Variants in EIF3J observed in about 807,000 individuals in gnomAD.
EIF3J encodes the protein eukaryotic translation initiation factor 3 subunit J.
In EIF3J, 15 loss-of-function variants were observed where a neutral mutation model predicts 39.0. The observed-to-expected ratio is 0.38, with a 90% confidence interval of 0.26 to 0.59. The LOEUF is 0.59. Among genes scored for constraint, EIF3J ranks in the 20% least tolerant of loss-of-function variants. The probability of loss-of-function intolerance (pLI) is 0.60; values close to 1 mark genes in which losing one functional copy is unlikely to be tolerated. For missense variants in EIF3J, 226 were observed against 308.6 expected (o/e 0.73, Z 2.00); for synonymous variants, 98 against 112.9 (o/e 0.87, Z 0.84).
Position 44,561,016 on chromosome 15 carries a change from A to C in EIF3J, c.646-2A>C, listed in dbSNP as rs761081920. ...CATGAATTAACTCTCTTTCATCTTT[A>C]GCAAAGCAAAGCCAAAAAGAAGAAG... On this transcript the variant is annotated splice_acceptor_variant, in intron 7 of 7. Transcript: ENST00000261868. LOFTEE classifies it high-confidence loss of function. 6.2e-7 allele frequency: 1 copy of C among 1,613,116 alleles called. No homozygotes were observed. The highest frequency in any genetic ancestry group is 8.5e-7 in the Non-Finnish European group (1 of 1,179,722).
chr15:44,537,512 G>T (rs1449492917), intron 2 of EIF3J, 85 bp downstream of exon 2: 5 of 1,360,672 alleles, frequency 3.7e-6, no homozygotes, highest in South Asian at 3.2e-5. Context: ...CGCTGCCGGG[G>T]CCTGCGGGCC....
chr15:44,560,134 C>A, intron 6 of EIF3J, 115 bp from the exon 7 acceptor site: 1 of 786,522 alleles, frequency 1.3e-6, no homozygotes, highest in Non-Finnish European at 1.9e-6. Flanking sequence ...TCTCATAACA[C>A]TTTTGGAATG....
chr15:44,560,111 A>G, intron 6 of EIF3J, 138 bp from the exon 7 acceptor site: 1 of 687,266 alleles, frequency 1.5e-6, no homozygotes, highest in South Asian at 2.1e-5. Context: ...TTTAACAATG[A>G]ACAAATTGGA....
intron 2 of EIF3J, among the ~76,000 whole-genome samples, chr15:44,549,982 T>C (rs1048242718): frequency 6.6e-6 from 1 of 151,918 alleles, no homozygotes; most frequent in African/African-American, 2.4e-5. Flanking sequence ...TGGTAAATTT[T>C]ATTGCATAAA....
chr15:44,544,791 G>A (rs1235091854), intron 2 of EIF3J, among the ~76,000 whole-genome samples: 1 of 151,716 alleles, frequency 6.6e-6, no homozygotes, highest in African/African-American at 2.4e-5. Flanking sequence ...GGATCACGAG[G>A]TCAAGAGATC....
At position 44,562,533 on chromosome 15, in the gene EIF3J, A is replaced by G. The variant is rs2082213091; in HGVS notation, c.*1384A>G. The G allele has an allele frequency of 6.5e-6, 1 of 152,750 alleles. No homozygotes were observed. Among genetic ancestry groups the G allele is most frequent in the Non-Finnish European group, 1.5e-5 (1 of 68,112 alleles). The allele number at this position is 152,750 out of a possible 1,614,324, so 9.5% of individuals were successfully genotyped here. A position where few individuals can be genotyped will look rare whatever the true frequency, so the allele number is the denominator to read the frequency against. On this transcript the variant is annotated 3_prime_UTR_variant, in exon 8 of 8. Transcript: ENST00000261868. ...TATATAGGAAATAATAGGAACGTCA[A>G]AGCTCTGTATACCTACTAAGTGGAA... is the stretch of plus-strand genomic sequence containing the variant.
intron 2 of EIF3J, among the ~76,000 whole-genome samples, chr15:44,549,760 G>A (rs533307376): frequency 1.2e-5 from 1 of 80,132 alleles, no homozygotes; most frequent in East Asian, 4.7e-4. Flanking sequence ...ACGAGACTCC[G>A]TCTCAAAAAA....
chr15:44,545,065 C>A (rs1211415742), intron 2 of EIF3J, among the ~76,000 whole-genome samples: 1 of 151,898 alleles, frequency 6.6e-6, no homozygotes, highest in Non-Finnish European at 1.5e-5. Context: ...AGTTTGGTAA[C>A]CAGTATACCT....
In EIF3J at chr15:44,560,524, A is replaced by G. The variant is rs992743180; in HGVS notation, c.645+202A>G. ...TGTTCCCCTTTTCTGAGTTAATAGA[A>G]ATTGCTGAAATCACAGACTGGGTTC... On this transcript the variant is annotated intron_variant, in intron 7 of 7. Coordinates refer to ENST00000261868, the MANE Select transcript of EIF3J (RefSeq NM_003758.4). 489 of 522,952 alleles carry G rather than the reference A, an allele frequency of 9.4e-4. 4 individuals are homozygous for G. The highest frequency in any genetic ancestry group is 2.1e-4 in the Non-Finnish European group (63 of 301,804). 32.4% of individuals were successfully genotyped at this position (522,952 alleles called of 1,614,324 possible).
Position 44,537,194 on chromosome 15 carries a change from G to T in EIF3J, c.-1G>T. On this transcript the variant is annotated 5_prime_UTR_variant, in exon 1 of 8. Transcript: ENST00000261868. Reference sequence around the variant, plus strand: ...TCACACACGCTCACACCCGGCTCGAGATGGCGGCGGCGGCGGCGGCGGCGG... The same window carrying T: ...TCACACACGCTCACACCCGGCTCGATATGGCGGCGGCGGCGGCGGCGGCGG... The T allele has an allele frequency of 6.2e-7, 1 of 1,610,328 alleles. No individual in the cohort carries two copies. Among genetic ancestry groups the T allele is most frequent in the Non-Finnish European group, 8.5e-7 (1 of 1,178,538 alleles).
At chr15:44,549,507 C>T (rs1490233663) in intron 2 of EIF3J, among the ~76,000 whole-genome samples, 3 of 151,560 alleles carry the variant, frequency 2.0e-5, no homozygotes, top group South Asian at 4.2e-4. Context: ...CGGTGGCTCA[C>T]GCCTGTAATT....
intron 2 of EIF3J, among the ~76,000 whole-genome samples, chr15:44,538,889 A>G (rs1021861183): frequency 1.3e-5 from 2 of 152,242 alleles, no homozygotes; most frequent in Admixed American, 6.5e-5. Context: ...AAATTAACAA[A>G]TGCAGAGAAA....
rs2082196867 is a variant in EIF3J, at chr15:44,561,534, A to ATAAC, written c.*387_*390dup. Reference sequence around the variant, plus strand: ...TAACCATACCTCCTTGAACTACTTCATAACTTGTCAAGAAAAGCAGTTTGC... The same window carrying ATAAC: ...TAACCATACCTCCTTGAACTACTTCATAACTAACTTGTCAAGAAAAGCAGTTTGC... On this transcript the variant is annotated 3_prime_UTR_variant, in exon 8 of 8. Transcript: ENST00000261868. The ATAAC allele has an allele frequency of 1.3e-5, 2 of 158,654 alleles. No homozygotes were observed. Among genetic ancestry groups the ATAAC allele is most frequent in the African/African-American group, 2.4e-5 (1 of 41,584 alleles). The allele number at this position is 158,654 out of a possible 1,614,324, so 9.8% of individuals were successfully genotyped here. A position where few individuals can be genotyped will look rare whatever the true frequency, so the allele number is the denominator to read the frequency against.
chr15:44,546,969 G>A (rs2082058507), intron 2 of EIF3J, among the ~76,000 whole-genome samples: 1 of 151,242 alleles, frequency 6.6e-6, no homozygotes, highest in Admixed American at 6.6e-5. Flanking sequence ...TTACGGGCGT[G>A]CACCACCATG....
chr15:44,556,947 A>G (rs2082149711), intron 5 of EIF3J, among the ~76,000 whole-genome samples: 1 of 152,208 alleles, frequency 6.6e-6, no homozygotes, highest in Non-Finnish European at 1.5e-5. Context: ...TACAGGTGTG[A>G]GCCACTGTGT....
At chr15:44,560,597 A>C (rs979934002) in intron 7 of EIF3J, 1 of 395,032 alleles carries the variant, frequency 2.5e-6, no homozygotes, top group East Asian at 4.1e-5. Context: ...CAGCTTTTCT[A>C]AGCTTCAGTC....
intron 4 of EIF3J, 112 bp downstream of exon 4, chr15:44,551,634 A>G (rs2082099788): frequency 1.2e-5 from 9 of 736,982 alleles, no homozygotes; most frequent in Middle Eastern, 2.7e-4. Flanking sequence ...CTGTAAATGG[A>G]TACCATAAGA....
At chr15:44,559,054 G>C (rs944679175) in intron 6 of EIF3J, 1 of 152,062 alleles carries the variant, frequency 6.6e-6, no homozygotes, top group African/African-American at 2.4e-5. Context: ...TAGTTCCCGT[G>C]CAAGAAAATG....
At chr15:44,547,079 C>T (rs1307290643) in intron 2 of EIF3J, among the ~76,000 whole-genome samples, 2 of 151,928 alleles carry the variant, frequency 1.3e-5, no homozygotes, top group Non-Finnish European at 1.5e-5. Context: ...CTGCCTCGGC[C>T]TCCCAAAGTG....
Sources: gnomAD v4.1 joint callset for allele counts (sites outside exome capture counted in the v4.1 genomes callset) on GRCh38, gnomAD v4.1.1 for gene constraint, MANE v1.5 for transcripts, NCBI Gene and HGNC (gene_info 2026-07-23, HGNC 2026-07-21) for gene names.